RAD51B: variants seen among roughly 807,000 people sequenced by gnomAD.
The protein encoded by RAD51B is RAD51 paralog B.
A neutral mutation model predicts 42.2 loss-of-function variants in RAD51B; 38 were observed. The observed-to-expected ratio is 0.90, with a 90% confidence interval of 0.70 to 1.18. The LOEUF (loss-of-function observed/expected upper bound fraction) is 1.18. RAD51B is among the 50% of genes most tolerant of loss of function. The pLI is 0.00. For missense variants in RAD51B, 373 were observed against 400.7 expected, an observed-to-expected ratio of 0.93 and a Z score of 0.59; for synonymous variants, 154 against 145.2, an observed-to-expected ratio of 1.06 and a Z score of -0.43.
intron 10 of RAD51B, among the ~76,000 whole-genome samples, chr14:68,645,437 T>G (rs749713349): frequency 2.0e-5 from 3 of 152,240 alleles, no homozygotes; most frequent in Non-Finnish European, 2.9e-5. Context: ...TTAGCTATTA[T>G]GAATAATGTT....
At chr14:68,282,174 G>A (rs536623625) in intron 7 of RAD51B, among the ~76,000 whole-genome samples, 2 of 152,068 alleles carry the variant, frequency 1.3e-5, no homozygotes, top group African/African-American at 4.8e-5. Context: ...GTAGAGACAG[G>A]GTTTCACCAT....
chr14:68,636,089 G>A (rs1004973873), intron 10 of RAD51B, among the ~76,000 whole-genome samples: 1 of 152,146 alleles, frequency 6.6e-6, no homozygotes, highest in African/African-American at 2.4e-5. Flanking sequence ...CTGTTTAAAA[G>A]TGAAGCTAAT....
chr14:68,500,478 C>T (rs1006677305), intron 10 of RAD51B, among the ~76,000 whole-genome samples: 4 of 152,282 alleles, frequency 2.6e-5, no homozygotes, highest in South Asian at 2.1e-4. Context: ...GCCAGCAGCC[C>T]GTAGCACCCA....
At chr14:68,133,707 C>T (rs551282898) in intron 7 of RAD51B, among the ~76,000 whole-genome samples, 42 of 152,192 alleles carry the variant, frequency 2.8e-4, no homozygotes, top group Middle Eastern at 6.8e-3. Flanking sequence ...CTCCTGACCT[C>T]GTGATCCTCC....
chr14:67,882,292 A>C (rs540770549), intron 5 of RAD51B, among the ~76,000 whole-genome samples: 1 of 152,052 alleles, frequency 6.6e-6, no homozygotes, highest in Admixed American at 6.5e-5. Flanking sequence ...TCTTGGAACT[A>C]TTCTCTCTTC....
intron 7 of RAD51B, among the ~76,000 whole-genome samples, chr14:67,936,909 C>A (rs1013372542): frequency 1.3e-5 from 2 of 152,036 alleles, no homozygotes; most frequent in African/African-American, 4.8e-5. Flanking sequence ...ATCTCTTGCC[C>A]AGTTGTAATT....
chr14:68,530,886 A>G (rs935202861), intron 10 of RAD51B, among the ~76,000 whole-genome samples: 2 of 152,188 alleles, frequency 1.3e-5, no homozygotes, highest in Non-Finnish European at 2.9e-5. Context: ...TCTAGAGTTT[A>G]AAATAAAAGT....
At chr14:68,031,723 C>T (rs2076046367) in intron 7 of RAD51B, among the ~76,000 whole-genome samples, 1 of 152,154 alleles carries the variant, frequency 6.6e-6, no homozygotes, top group Admixed American at 6.5e-5. Context: ...ATATTTTCCA[C>T]TCTTCTCAAA....
At chr14:68,360,073 C>T (rs1376953775) in intron 8 of RAD51B, among the ~76,000 whole-genome samples, 2 of 152,206 alleles carry the variant, frequency 1.3e-5, no homozygotes, top group East Asian at 3.8e-4. Flanking sequence ...TCTCCTAAAA[C>T]TATGTCTAGT....
chr14:68,552,727 T>C (rs1888641998), intron 10 of RAD51B, among the ~76,000 whole-genome samples: 1 of 152,216 alleles, frequency 6.6e-6, no homozygotes, highest in African/African-American at 2.4e-5. Flanking sequence ...AACACGTTTC[T>C]GTGGAGGCAT....
rs867770819 is a variant in RAD51B, at chr14:68,431,588, A to G, written c.957+20061A>G. On this transcript the variant is annotated intron_variant, in intron 9 of 10. Coordinates refer to ENST00000471583, the MANE Select transcript of RAD51B (RefSeq NM_133510.4). Reference sequence around the variant, plus strand: ...TGGTAGTTTGTATTTCTGTGGGATCAGTGGTGATATCCCCTTTATCATTTT... The same window carrying G: ...TGGTAGTTTGTATTTCTGTGGGATCGGTGGTGATATCCCCTTTATCATTTT... Among the ~76,000 whole-genome samples the G allele has an allele frequency of 2.5e-3, 381 of 152,230 alleles. 3 individuals carry two copies. Among genetic ancestry groups the G allele is most frequent in the Middle Eastern group, 0.014 (4 of 294 alleles).
intron 7 of RAD51B, among the ~76,000 whole-genome samples, chr14:67,978,923 T>C (rs1326489732): frequency 6.6e-6 from 1 of 152,248 alleles, no homozygotes; most frequent in Admixed American, 6.5e-5. Flanking sequence ...AACTGTATAA[T>C]CAACCTCATT....
In RAD51B at chr14:68,371,426, A is replaced by G. The variant is rs112599104; in HGVS notation, c.854-39998A>G. Among the ~76,000 whole-genome samples the G allele has an allele frequency of 8.9e-3, 1,349 of 151,994 alleles. 19 individuals carry two copies. Among genetic ancestry groups the G allele is most frequent in the African/African-American group, 0.032 (1,308 of 41,456 alleles). The stretch of plus-strand genomic sequence containing the variant: ...CTAGCTACTTGGGAGGCTGAGGCAG[A>G]AGAATTGCTTGAACGCGGGAGGCGG... On this transcript the variant is annotated intron_variant, in intron 8 of 10. Transcript: ENST00000471583.
intron 7 of RAD51B, among the ~76,000 whole-genome samples, chr14:68,017,241 G>A (rs2075790676): frequency 6.6e-6 from 1 of 151,722 alleles, no homozygotes; most frequent in African/African-American, 2.4e-5. Flanking sequence ...TGTTACCCAG[G>A]CTGGAATGCA....
At chr14:67,971,652 A>G (rs1250312732) in intron 7 of RAD51B, among the ~76,000 whole-genome samples, 1 of 152,086 alleles carries the variant, frequency 6.6e-6, no homozygotes, top group African/African-American at 2.4e-5. Flanking sequence ...ATTGTTCTTG[A>G]TGTATTCCAG....
intron 7 of RAD51B, among the ~76,000 whole-genome samples, chr14:68,103,014 A>G (rs1176489741): frequency 6.6e-6 from 1 of 152,110 alleles, no homozygotes; most frequent in Non-Finnish European, 1.5e-5. Flanking sequence ...TTATAAAACC[A>G]TCAGATCATG....
rs1566622937 is a variant in RAD51B, at chr14:68,072,076, TAAATATATATA to T, written c.756+184875_756+184885del. Among the ~76,000 whole-genome samples the T allele has an allele frequency of 4.6e-3, 545 of 118,636 alleles. 23 individuals are homozygous for T. Among genetic ancestry groups the T allele is most frequent in the African/African-American group, 0.018 (522 of 28,838 alleles). 77.8% of individuals were successfully genotyped at this position (118,636 alleles called of 152,430 possible). A position where few individuals can be genotyped will look rare whatever the true frequency, so the allele number is the denominator to read the frequency against. ...AATTATATATATTTATATAAATATA[TAAATATATATA>T]AATATATAATATATAAAATATAAAA... is the stretch of plus-strand genomic sequence containing the variant. On this transcript the variant is annotated intron_variant, in intron 7 of 10. Coordinates refer to ENST00000471583, the MANE Select transcript of RAD51B (RefSeq NM_133510.4).
rs192170737 is a variant in RAD51B, at chr14:68,589,182, C to T, written c.1037-5303C>T. Among the ~76,000 whole-genome samples, 23 of 152,298 alleles carry T rather than the reference C, an allele frequency of 1.5e-4. No individual in the cohort carries two copies. In the East Asian group the frequency reaches 4.2e-3, roughly 28 times the overall value. ...CGTGATACTTACAAGGAACATGGTA[C>T]AGAGAGTGGAATATGGTCAATAAAT... On this transcript the variant is annotated intron_variant, in intron 10 of 10. Coordinates refer to the RAD51B transcript ENST00000487270.
chr14:67,984,118 T>C (rs2075142934), intron 7 of RAD51B, among the ~76,000 whole-genome samples: 1 of 152,094 alleles, frequency 6.6e-6, no homozygotes, highest in African/African-American at 2.4e-5. Flanking sequence ...TTTGTATTGT[T>C]AGTAGAGACA....
Sources: allele counts gnomAD v4.1 joint callset (sites outside exome capture counted in the v4.1 genomes callset), GRCh38; gene constraint gnomAD v4.1.1; transcripts MANE v1.5; gene names NCBI Gene and HGNC (gene_info 2026-07-23, HGNC 2026-07-21).